Variants in MAP3K4 observed in about 807,000 individuals in gnomAD.
MAP3K4 encodes MAP three kinase 1.
In MAP3K4, 67 loss-of-function variants were observed where a neutral mutation model predicts 185.6. The ratio of observed to expected loss-of-function variants is 0.36; its 90% confidence interval spans 0.30 to 0.44. The LOEUF is 0.44. MAP3K4 is among the 20% of genes least tolerant of loss of function. The pLI is 1.00. For missense variants in MAP3K4, 1,551 were observed against 1,995.1 expected (o/e 0.78, Z 4.24); for synonymous variants, 702 against 710.4 (o/e 0.99, Z 0.19).
chr6:161,014,639 C>T (rs1273723415), intron 1 of MAP3K4, among the ~76,000 whole-genome samples: 3 of 152,262 alleles, frequency 2.0e-5, no homozygotes, highest in Middle Eastern at 6.8e-3. Context: ...TACCAAAAAA[C>T]ATTGTGTCTC....
intron 3 of MAP3K4, among the ~76,000 whole-genome samples, chr6:161,058,102 A>G (rs1256981725): frequency 1.3e-5 from 2 of 152,242 alleles, no homozygotes; most frequent in East Asian, 1.9e-4. Flanking sequence ...TCAGGTCACA[A>G]ATCTAGAAAG....
chr6:161,037,296 G>A lies in MAP3K4; in HGVS notation c.343+2847G>A, dbSNP rs181889320. 1.6e-4 allele frequency among the ~76,000 whole-genome samples: 25 copies of A among 152,198 alleles called. No homozygotes were observed. The highest frequency in any genetic ancestry group is 1.9e-4 in the Non-Finnish European group (13 of 67,990). On this transcript the variant is annotated intron_variant, in intron 2 of 26. Transcript: ENST00000392142. This position sits in a 1 kb window ranked among gnomAD's most constrained non-coding sequence, Gnocchi z 4.2. ...TCACCCGGACTCCAGTCCTGGTTCCGCTATCTTCTGCGTATGCAGCCTCCA... is the reference window on the plus strand; with the variant it reads ...TCACCCGGACTCCAGTCCTGGTTCCACTATCTTCTGCGTATGCAGCCTCCA...
Position 161,093,613 on chromosome 6 carries a change from C to T in MAP3K4, c.3349-160C>T, listed in dbSNP as rs960743612. ...AAATACACTGTATTATTTTAAATTA[C>T]ATACAATTTGTGTTTATACCTATTT... On this transcript the variant is annotated intron_variant, in intron 14 of 26. Coordinates refer to ENST00000392142, the MANE Select transcript of MAP3K4 (RefSeq NM_005922.4). The surrounding 1 kb of genome is among the most constrained non-coding windows in gnomAD (Gnocchi z 5.2). Among the ~76,000 whole-genome samples, 9 of 152,204 alleles carry T rather than the reference C, an allele frequency of 5.9e-5. No homozygotes were observed. Among genetic ancestry groups the T allele is most frequent in the Non-Finnish European group, 8.8e-5 (6 of 68,024 alleles).
intron 2 of MAP3K4, among the ~76,000 whole-genome samples, chr6:161,038,231 AC>A (rs2062434914): frequency 6.6e-6 from 1 of 152,180 alleles, no homozygotes; most frequent in African/African-American, 2.4e-5. Context: ...CAAATGACCA[AC>A]AGTACAGGCT....
intron 18 of MAP3K4, among the ~76,000 whole-genome samples, chr6:161,102,276 C>CTT (rs1370462949): frequency 1.3e-5 from 2 of 152,132 alleles, no homozygotes; most frequent in Admixed American, 6.5e-5. Context: ...CTGTTGAATA[C>CTT]TTTTATTCAT....
intron 3 of MAP3K4, among the ~76,000 whole-genome samples, chr6:161,058,147 T>C (rs1203293857): frequency 2.0e-5 from 3 of 152,262 alleles, no homozygotes; most frequent in South Asian, 2.1e-4. Flanking sequence ...GAGCTCTGGC[T>C]GTAAAGCCAT....
chr6:161,007,659 G>A lies in MAP3K4; in HGVS notation c.152+15576G>A, dbSNP rs908554070. Among the ~76,000 whole-genome samples, 2 of 152,060 alleles carry A rather than the reference G, an allele frequency of 1.3e-5. No homozygotes were observed. The highest frequency in any genetic ancestry group is 1.3e-4 in the Admixed American group (2 of 15,272). On this transcript the variant is annotated intron_variant, in intron 1 of 26. Transcript: ENST00000392142. The surrounding 1 kb of genome is among the most constrained non-coding windows in gnomAD (Gnocchi z 4.5). ...GTATAGCCTCTGAAAATCTGTAAAG[G>A]TTTTTCTCCTTTTTAAAAAAATTGC... is the stretch of plus-strand genomic sequence containing the variant.
At chr6:161,035,618 GGCCTGTACTTA>G (rs1783129121) in intron 2 of MAP3K4, among the ~76,000 whole-genome samples, 1 of 152,040 alleles carries the variant, frequency 6.6e-6, no homozygotes, top group African/African-American at 2.4e-5. Context: ...TTTAACCTGT[GGCCTGTACTTA>G]CCCCTTTGGA....
Position 161,089,331 on chromosome 6 carries a change from C to A in MAP3K4, c.2833C>A (p.Leu945Ile), listed in dbSNP as rs1204326539. 1.7e-5 allele frequency: 27 copies of A among 1,613,330 alleles called. No homozygotes were observed. The East Asian group carries it at 5.8e-4, about 35-fold the overall frequency. The change falls in exon 11 of 27, where the codon CTT becomes ATT. Residue 945 changes from leucine (L) to isoleucine (I), a missense_variant. Coordinates refer to ENST00000392142, the MANE Select transcript of MAP3K4 (RefSeq NM_005922.4). ...TTGATTTTCCTCCCAGGTGGATAAT[C>A]TTTTACTAGTTGTCATGCAGTCTGC... ...DTLRSMQVDN[L>I]LLVVMQSAHL...
At chr6:161,029,725 C>T (rs1055733602) in intron 1 of MAP3K4, among the ~76,000 whole-genome samples, 3 of 152,188 alleles carry the variant, frequency 2.0e-5, no homozygotes, top group African/African-American at 4.8e-5. Context: ...CACATTAGCT[C>T]ATCTCACATG....
chr6:161,014,831 A>G (rs2115091091), intron 1 of MAP3K4, among the ~76,000 whole-genome samples: 1 of 151,402 alleles, frequency 6.6e-6, no homozygotes, highest in Non-Finnish European at 1.5e-5. Context: ...GATATATGCA[A>G]CCATTACCAC....
At chr6:161,102,575 A>G (rs530904660) in intron 18 of MAP3K4, 124 bp from the exon 19 acceptor site, 6 of 611,062 alleles carry the variant, frequency 9.8e-6, no homozygotes, top group South Asian at 2.5e-5. Context: ...CATCAAACAC[A>G]CTAAAAATTA....
At position 161,100,656 on chromosome 6, in the gene MAP3K4, A is replaced by G. The variant is rs1777800157; in HGVS notation, c.3675-1236A>G. On this transcript the variant is annotated intron_variant, in intron 17 of 26. Coordinates refer to ENST00000392142, the MANE Select transcript of MAP3K4 (RefSeq NM_005922.4). This position sits in a 1 kb window ranked among gnomAD's most constrained non-coding sequence, Gnocchi z 5.8. ...GTCGTTCAACATTCCCCAATATGCC[A>G]CTTCATGAGTATATGTTCTTGCTTT... Among the ~76,000 whole-genome samples, 1 of 152,120 alleles carries G rather than the reference A, an allele frequency of 6.6e-6. No homozygotes were observed. The highest frequency in any genetic ancestry group is 6.5e-5 in the Admixed American group (1 of 15,274).
rs916558252 is a variant in MAP3K4 at position 161,086,823 on chromosome 6, G to A, written c.2556+156G>A. On this transcript the variant is annotated intron_variant, in intron 9 of 26. Coordinates refer to ENST00000392142, the MANE Select transcript of MAP3K4 (RefSeq NM_005922.4). The surrounding 1 kb of genome is among the most constrained non-coding windows in gnomAD (Gnocchi z 4.8). ...TAAGACTGTCCTGTAATTCACCAGTGGAATAATGAAACAGTCTTTTTCATA... is the reference window on the plus strand; with the variant it reads ...TAAGACTGTCCTGTAATTCACCAGTAGAATAATGAAACAGTCTTTTTCATA... Among the ~76,000 whole-genome samples, 1 of 152,094 alleles carries A rather than the reference G, an allele frequency of 6.6e-6. No individual in the cohort carries two copies. Among genetic ancestry groups the A allele is most frequent in the African/African-American group, 2.4e-5 (1 of 41,400 alleles).
chr6:161,058,201 C>T (rs1784327100), intron 3 of MAP3K4, among the ~76,000 whole-genome samples: 1 of 152,210 alleles, frequency 6.6e-6, no homozygotes, highest in African/African-American at 2.4e-5. Context: ...TACATTTTGT[C>T]CCACACAGTG....
chr6:161,011,232 A>G (rs774573038), intron 1 of MAP3K4, among the ~76,000 whole-genome samples: 3 of 152,244 alleles, frequency 2.0e-5, no homozygotes, highest in Non-Finnish European at 4.4e-5. Flanking sequence ...CTGGTAGAGT[A>G]AACCCAAATA....
rs1562494438 is a variant in MAP3K4, at chr6:161,034,319, C to G, written c.213C>G (p.Phe71Leu). ...GTCCTGAATCTGATCTAGAAGACTT[C>G]TCCGATGAAACAAATACAGAGAATC... is the stretch of plus-strand genomic sequence containing the variant. ...CKSPESDLED[F>L]SDETNTENLY... The change falls in exon 2 of 27, where the codon TTC becomes TTG. Residue 71 changes from phenylalanine (F) to leucine (L), a missense_variant. Physicochemically the swap from Phe to Leu is conservative, Grantham distance 22. This residue lies in a region of MAP3K4 where 287 missense variants were observed against 268.8 expected (regional missense o/e 1.07). Transcript: ENST00000392142. The surrounding 1 kb of genome is among the most constrained non-coding windows in gnomAD (Gnocchi z 4.4). 6.2e-7 allele frequency: 1 copy of G among 1,614,034 alleles called. No individual in the cohort carries two copies. Among genetic ancestry groups the G allele is most frequent in the African/African-American group, 1.3e-5 (1 of 75,036 alleles).
At position 161,106,490 on chromosome 6, in the gene MAP3K4, A is replaced by G; in HGVS notation, c.3857-24A>G. On this transcript the variant is annotated intron_variant, in intron 19 of 26. Coordinates refer to ENST00000392142, the MANE Select transcript of MAP3K4 (RefSeq NM_005922.4). The surrounding 1 kb of genome is among the most constrained non-coding windows in gnomAD (Gnocchi z 4.9). The stretch of plus-strand genomic sequence containing the variant: ...GACTTGATAACAGTGATTGGGACTA[A>G]TGAGGTTTTGGTTCTCTCTGCAGAT... 6.4e-7 allele frequency: 1 copy of G among 1,564,950 alleles called. No individual in the cohort carries two copies. Among genetic ancestry groups the G allele is most frequent in the Middle Eastern group, 1.7e-4 (1 of 5,790 alleles).
chr6:160,995,247 C>CA (rs1473200046), intron 1 of MAP3K4, among the ~76,000 whole-genome samples: 1 of 152,044 alleles, frequency 6.6e-6, no homozygotes, highest in Non-Finnish European at 1.5e-5. Context: ...TGTGAAATGC[C>CA]ACCTTTTAAT....
Sources: allele counts gnomAD v4.1 joint callset (sites outside exome capture counted in the v4.1 genomes callset), GRCh38; gene constraint gnomAD v4.1.1; regional missense constraint gnomAD v4.1.1; non-coding constraint Gnocchi (gnomAD v3.1); transcripts MANE v1.5; gene names NCBI Gene and HGNC (gene_info 2026-07-23, HGNC 2026-07-21).